Variants in TMEM243 observed in about 807,000 individuals in gnomAD.
The protein encoded by TMEM243 is MDR1 and mitochondrial taxol resistance associated.
In TMEM243, 20 loss-of-function variants were observed where a neutral mutation model predicts 15.0. The observed-to-expected ratio is 1.33, with a 90% CI of 0.94 to 1.93. The LOEUF (loss-of-function observed/expected upper bound fraction) is 1.93. TMEM243 is among the 30% of genes most tolerant of loss of function. The pLI is 0.00. For synonymous variants in TMEM243, 72 were observed against 52.7 expected (o/e 1.37, Z -1.59); for missense variants, 156 against 142.1 (o/e 1.10, Z -0.50).
At position 87,219,610 on chromosome 7, in the gene TMEM243, C is replaced by G; in HGVS notation, c.-107G>C. On this transcript the variant is annotated 5_prime_UTR_variant, in exon 1 of 4. Transcript: ENST00000257637. ...CCTCCTCCTCACGGCTCCCGCATAG[C>G]CGAACCCGAGTGGTCGGGGAAGCGC... 1 of 1,033,196 alleles carries G rather than the reference C, an allele frequency of 9.7e-7. No homozygotes were observed. Among genetic ancestry groups the G allele is most frequent in the East Asian group, 2.6e-5 (1 of 38,690 alleles). The allele number at this position is 1,033,196 out of a possible 1,614,324, so 64.0% of individuals were successfully genotyped here. A position where few individuals can be genotyped will look rare whatever the true frequency, so the allele number is the denominator to read the frequency against.
At chr7:87,214,399 G>A (rs1003101201) in intron 1 of TMEM243, among the ~76,000 whole-genome samples, 1 of 152,160 alleles carries the variant, frequency 6.6e-6, no homozygotes, top group Non-Finnish European at 1.5e-5. Flanking sequence ...TCAGGTTTTA[G>A]TTTACCCTAG....
intron 1 of TMEM243, among the ~76,000 whole-genome samples, chr7:87,213,548 G>C (rs1802904480): frequency 1.3e-5 from 2 of 152,198 alleles, no homozygotes; most frequent in African/African-American, 4.8e-5. Context: ...TGCTGGCACA[G>C]ACCCAGCTAT....
At chr7:87,203,016 G>A (rs1027882815) in intron 1 of TMEM243, 12 of 152,268 alleles carry the variant, frequency 7.9e-5, no homozygotes, top group African/African-American at 2.4e-4. Context: ...CAAATGATCA[G>A]GTGGTAACAA....
intron 1 of TMEM243, among the ~76,000 whole-genome samples, chr7:87,215,008 T>G (rs905602542): frequency 6.6e-6 from 1 of 152,240 alleles, no homozygotes; most frequent in African/African-American, 2.4e-5. Context: ...TTTTGGATTT[T>G]GGAGCATTTC....
chr7:87,203,607 T>TA (rs201660147), intron 1 of TMEM243, among the ~76,000 whole-genome samples: 3,086 of 137,072 alleles, frequency 0.023, 82 homozygotes, highest in African/African-American at 0.06. Context: ...ATGAGAATCT[T>TA]AAAAAAAAAA....
intron 1 of TMEM243, among the ~76,000 whole-genome samples, chr7:87,210,658 T>C (rs1802680282): frequency 6.6e-6 from 1 of 152,224 alleles, no homozygotes; most frequent in African/African-American, 2.4e-5. Context: ...TAGGCCACAC[T>C]AATGCAAGGA....
At chr7:87,205,894 ACAG>A (rs1401872299) in intron 1 of TMEM243, among the ~76,000 whole-genome samples, 2 of 152,090 alleles carry the variant, frequency 1.3e-5, no homozygotes, top group Non-Finnish European at 2.9e-5. Context: ...GGGTATCTTT[ACAG>A]CAGCACCCCA....
At chr7:87,220,500 T>A (rs979285178), upstream of TMEM243, 11 of 152,210 alleles carry the variant, frequency 7.2e-5, no homozygotes, top group African/African-American at 2.4e-4. Context: ...AATCGCGCGG[T>A]CCCGTCGCAG....
intron 1 of TMEM243, among the ~76,000 whole-genome samples, chr7:87,209,594 CAGTG>C (rs771007941): frequency 2.3e-4 from 28 of 123,828 alleles, no homozygotes; most frequent in South Asian, 2.2e-3. Context: ...GACAGTGAGA[CAGTG>C]AGAGAGAGAG....
chr7:87,216,418 T>C (rs1803128302), intron 1 of TMEM243, among the ~76,000 whole-genome samples: 1 of 152,112 alleles, frequency 6.6e-6, no homozygotes, highest in Admixed American at 6.5e-5. Context: ...TGCACTCCGA[T>C]ATGAGTTACA....
At chr7:87,204,025 T>C (rs1216879811) in intron 1 of TMEM243, among the ~76,000 whole-genome samples, 3 of 152,208 alleles carry the variant, frequency 2.0e-5, no homozygotes, top group Admixed American at 6.5e-5. Context: ...TTTAATGGAC[T>C]CACAGTTCCA....
chr7:87,197,893 G>A lies in TMEM243; in HGVS notation c.234+48C>T, dbSNP rs187647988. On this transcript the variant is annotated intron_variant, in intron 3 of 3. Transcript: ENST00000257637. ...GCTGAAAATTTTTGTCCTGTGCATT[G>A]CAACTTAAACCCTCAAGAACACTGT... is the stretch of plus-strand genomic sequence containing the variant. 878 of 1,611,758 alleles carry A rather than the reference G, an allele frequency of 5.4e-4. 2 individuals carry two copies. Among genetic ancestry groups the A allele is most frequent in the Middle Eastern group, 2.1e-3 (13 of 6,054 alleles).
At chr7:87,198,079 G>A (rs2129219410) in intron 2 of TMEM243, 34 bp from the exon 3 acceptor site, 1 of 1,563,622 alleles carries the variant, frequency 6.4e-7, no homozygotes, top group Non-Finnish European at 8.8e-7. Context: ...GGCCTTAACA[G>A]TAATTCCAAG....
At chr7:87,196,890 T>G (rs565442408) in intron 3 of TMEM243, 132 bp from the exon 4 acceptor site, 1 of 628,500 alleles carries the variant, frequency 1.6e-6, no homozygotes, top group Non-Finnish European at 2.7e-6. Flanking sequence ...GGTCTCTACA[T>G]TCCTGAGATC....
chr7:87,210,813 C>T (rs1802692284), intron 1 of TMEM243, among the ~76,000 whole-genome samples: 1 of 152,246 alleles, frequency 6.6e-6, no homozygotes, highest in African/African-American at 2.4e-5. Context: ...CCCCTTGCAG[C>T]AGACTTCTGG....
intron 3 of TMEM243, 59 bp downstream of exon 3, chr7:87,197,882 T>C (rs779922794): frequency 6.2e-7 from 1 of 1,610,528 alleles, no homozygotes; most frequent in East Asian, 2.2e-5. Flanking sequence ...AAAATTTTTG[T>C]CCTGTGCATT....
intron 1 of TMEM243, 88 bp from the exon 2 acceptor site, chr7:87,199,145 T>C: frequency 2.7e-6 from 3 of 1,101,250 alleles, no homozygotes; most frequent in East Asian, 2.7e-5. Flanking sequence ...GATGGTTTAC[T>C]ATAAAGAAAC....
intron 1 of TMEM243, among the ~76,000 whole-genome samples, chr7:87,206,826 G>A (rs996782652): frequency 6.6e-6 from 1 of 152,200 alleles, no homozygotes; most frequent in Admixed American, 6.5e-5. Context: ...AGCACTCAAT[G>A]AATGTTCGTT....
chr7:87,212,554 T>G (rs1238829840), intron 1 of TMEM243, among the ~76,000 whole-genome samples: 1 of 152,200 alleles, frequency 6.6e-6, no homozygotes, highest in African/African-American at 2.4e-5. Flanking sequence ...TTAAGTTTTT[T>G]TTAATACAAT....
Sources: allele counts gnomAD v4.1 joint callset (sites outside exome capture counted in the v4.1 genomes callset), GRCh38; gene constraint gnomAD v4.1.1; transcripts MANE v1.5; gene names NCBI Gene and HGNC (gene_info 2026-07-23, HGNC 2026-07-21).